Variants in RXRA observed in about 807,000 individuals in gnomAD.
RXRA encodes retinoid X receptor alpha.
RXRA carries 5 observed loss-of-function variants against 44.5 expected under a neutral mutation model. That is an observed-to-expected ratio of 0.11 (90% CI 0.06 to 0.24). The LOEUF (loss-of-function observed/expected upper bound fraction) is 0.24. Among genes scored for constraint, RXRA ranks in the 10% least tolerant of loss-of-function variants. The probability of loss-of-function intolerance (pLI) is 1.00; values close to 1 mark genes in which losing one functional copy is unlikely to be tolerated. For missense variants in RXRA, 412 were observed against 646.5 expected, an observed-to-expected ratio of 0.64 and a Z score of 3.93; for synonymous variants, 291 against 271.4, an observed-to-expected ratio of 1.07 and a Z score of -0.71.
In RXRA at chr9:134,366,082, C is replaced by A. The variant is rs557204517; in HGVS notation, c.29-35550C>A. Among the ~76,000 whole-genome samples the A allele has an allele frequency of 2.6e-5, 4 of 152,256 alleles. No homozygotes were observed. Among genetic ancestry groups the A allele is most frequent in the African/African-American group, 9.6e-5 (4 of 41,538 alleles). On this transcript the variant is annotated intron_variant, in intron 1 of 9. Transcript: ENST00000481739. This position sits in a 1 kb window ranked among gnomAD's most constrained non-coding sequence, Gnocchi z 5.9. ...GGGGCTTGGCATCTTCAGCATCTCT[C>A]GTGCCTCAGTAACAACCTGGGAGCG...
chr9:134,359,026 G>C (rs148526389), intron 1 of RXRA, among the ~76,000 whole-genome samples: 3 of 152,222 alleles, frequency 2.0e-5, no homozygotes, highest in Non-Finnish European at 4.4e-5. Flanking sequence ...AGCATTCATG[G>C]AACAGCTGCT....
chr9:134,344,325 C>G (rs1830122717), intron 1 of RXRA, among the ~76,000 whole-genome samples: 1 of 152,214 alleles, frequency 6.6e-6, no homozygotes, highest in African/African-American at 2.4e-5. Flanking sequence ...TGGGGTCTAT[C>G]TAGCCTGGTG....
At chr9:134,430,992 TCTGTCCCACC>T (rs1831523019) in intron 7 of RXRA, among the ~76,000 whole-genome samples, 1 of 152,224 alleles carries the variant, frequency 6.6e-6, no homozygotes, top group Non-Finnish European at 1.5e-5. Context: ...CAGCTCCTGT[TCTGTCCCACC>T]CTGTTCTCCA....
intron 4 of RXRA, among the ~76,000 whole-genome samples, chr9:134,410,976 T>C (rs1245543871): frequency 1.3e-5 from 2 of 152,190 alleles, no homozygotes; most frequent in Non-Finnish European, 2.9e-5. Context: ...GCTCAGGCAC[T>C]GTGGGAGCCC....
Position 134,334,344 on chromosome 9 carries a change from C to T in RXRA, c.28+7685C>T, listed in dbSNP as rs571527786. The stretch of plus-strand genomic sequence containing the variant: ...TGCCTGTCAGCAGTGGCTTCAGTGC[C>T]TGTGCTTGGGGAGGATGTATCTGGT... On this transcript the variant is annotated intron_variant, in intron 1 of 9. Transcript: ENST00000481739. Among the ~76,000 whole-genome samples the T allele has an allele frequency of 4.6e-5, 7 of 152,380 alleles. No individual in the cohort carries two copies. The South Asian group carries it at 1.4e-3, about 32-fold the overall frequency.
intron 8 of RXRA, among the ~76,000 whole-genome samples, chr9:134,432,647 C>T (rs2119209556): frequency 6.6e-6 from 1 of 152,386 alleles, no homozygotes; most frequent in East Asian, 1.9e-4. Context: ...CATGGGAGGG[C>T]CCCTTCAAGC....
rs1353590820 is a variant in RXRA, at chr9:134,407,245, G to C, written c.280-904G>C. On this transcript the variant is annotated intron_variant, in intron 2 of 9. Transcript: ENST00000481739. The surrounding 1 kb of genome is among the most constrained non-coding windows in gnomAD (Gnocchi z 4.8). ...CTCTTCCTGTCCCGTGAGAAGGGGG[G>C]ATGGGATTTGGAGGCCTGAGGAAGG... Among the ~76,000 whole-genome samples the C allele has an allele frequency of 2.0e-5, 3 of 152,262 alleles. No individual in the cohort carries two copies. The highest frequency in any genetic ancestry group is 6.5e-5 in the Admixed American group (1 of 15,292).
At chr9:134,421,596 G>T in intron 5 of RXRA, 80 bp from the exon 6 acceptor site, 1 of 1,467,420 alleles carries the variant, frequency 6.8e-7, no homozygotes, top group Non-Finnish European at 9.1e-7. Flanking sequence ...CCAGCGTGTG[G>T]CAGGGCCTGG....
rs192389672 is a variant in RXRA at position 134,386,085 on chromosome 9, C to T, written c.29-15547C>T. 4.2e-3 allele frequency among the ~76,000 whole-genome samples: 645 copies of T among 152,290 alleles called. 4 individuals carry two copies. Among genetic ancestry groups the T allele is most frequent in the African/African-American group, 0.015 (603 of 41,554 alleles). On this transcript the variant is annotated intron_variant, in intron 1 of 9. Coordinates refer to ENST00000481739, the MANE Select transcript of RXRA (RefSeq NM_002957.6). Reference sequence around the variant, plus strand: ...GTCTGGTTGAGGGTGGGGGACCGGGCGGCTCTGGGAAAGGGGAACTGGGCC... The same window carrying T: ...GTCTGGTTGAGGGTGGGGGACCGGGTGGCTCTGGGAAAGGGGAACTGGGCC...
In RXRA at chr9:134,426,819, C is replaced by T. The variant is rs926758094; in HGVS notation, c.911-2289C>T. 2.0e-6 allele frequency: 2 copies of T among 985,354 alleles called. No individual in the cohort carries two copies. The highest frequency in any genetic ancestry group is 2.4e-6 in the Non-Finnish European group (2 of 829,914). The allele number at this position is 985,354 out of a possible 1,614,324, so 61.0% of individuals were successfully genotyped here. ...GATGGTGGGTTTGGGGCCAGTTGTG[C>T]CCCAGCCCAGATCTTGTCCTCGGCC... On this transcript the variant is annotated intron_variant, in intron 6 of 9. Transcript: ENST00000481739. The surrounding 1 kb of genome is among the most constrained non-coding windows in gnomAD (Gnocchi z 4.6).
chr9:134,356,877 G>A (rs1588261677), intron 1 of RXRA, among the ~76,000 whole-genome samples: 1 of 152,286 alleles, frequency 6.6e-6, no homozygotes, highest in Middle Eastern at 3.4e-3. Context: ...CACCCTCGAT[G>A]GCCCTGGTAG....
In RXRA at chr9:134,417,285, C is replaced by T. The variant is rs534356986; in HGVS notation, c.738C>T (p.Thr246=). Residue 246 remains threonine, a synonymous_variant, in exon 5 of 10, where the codon ACC becomes ACT. Transcript: ENST00000481739. The surrounding 1 kb of genome is among the most constrained non-coding windows in gnomAD (Gnocchi z 6.1). ...CTGAGCTGGCCGTGGAGCCCAAGAC[C>T]GAGACCTACGTGGAGGCAAACATGG... ...LEAELAVEPK[T]ETYVEANMGL... 31 of 1,613,860 alleles carry T rather than the reference C, an allele frequency of 1.9e-5. No individual in the cohort carries two copies. Among genetic ancestry groups the T allele is most frequent in the East Asian group, 8.9e-5 (4 of 44,884 alleles).
Position 134,343,757 on chromosome 9 carries a change from C to T in RXRA, c.28+17098C>T, listed in dbSNP as rs1356430083. 6.6e-6 allele frequency among the ~76,000 whole-genome samples: 1 copy of T among 152,126 alleles called. No homozygotes were observed. Among genetic ancestry groups the T allele is most frequent in the South Asian group, 2.1e-4 (1 of 4,834 alleles). ...CCATCCGCCCGTCCCCAGCCGGGCGCGGCACTGAGCTGAGGGAGCCTGCGT... is the reference window on the plus strand; with the variant it reads ...CCATCCGCCCGTCCCCAGCCGGGCGTGGCACTGAGCTGAGGGAGCCTGCGT... On this transcript the variant is annotated intron_variant, in intron 1 of 9. Coordinates refer to ENST00000481739, the MANE Select transcript of RXRA (RefSeq NM_002957.6). The surrounding 1 kb of genome is among the most constrained non-coding windows in gnomAD (Gnocchi z 4.1).
intron 8 of RXRA, among the ~76,000 whole-genome samples, chr9:134,432,547 C>T (rs1366891243): frequency 2.6e-5 from 4 of 152,242 alleles, no homozygotes; most frequent in African/African-American, 4.8e-5. Flanking sequence ...CTTCTCCAGC[C>T]TCTGGGTTCT....
In RXRA at chr9:134,417,385, A is replaced by T. The variant is rs937966056; in HGVS notation, c.780+58A>T. 3.8e-6 allele frequency: 6 copies of T among 1,572,616 alleles called. No individual in the cohort carries two copies. The highest frequency in any genetic ancestry group is 1.3e-5 in the African/African-American group (1 of 74,298). On this transcript the variant is annotated intron_variant, in intron 5 of 9. Transcript: ENST00000481739. The surrounding 1 kb of genome is among the most constrained non-coding windows in gnomAD (Gnocchi z 6.1). ...TCACATGCCTCAGTTTCCCTCACTC[A>T]CTCACCCTCCCACCTGAGCAGCTGA...
At chr9:134,410,590 C>A (rs894021001) in intron 4 of RXRA, among the ~76,000 whole-genome samples, 2 of 152,122 alleles carry the variant, frequency 1.3e-5, no homozygotes, top group African/African-American at 4.8e-5. Context: ...GCAGCCTTGT[C>A]CCTGGAAGAT....
rs954982253 is a variant in RXRA, at chr9:134,360,879, G to A, written c.28+34220G>A. Among the ~76,000 whole-genome samples the A allele has an allele frequency of 1.5e-4, 23 of 152,252 alleles. 1 individual carries two copies. The highest frequency in any genetic ancestry group is 5.3e-4 in the African/African-American group (22 of 41,468). On this transcript the variant is annotated intron_variant, in intron 1 of 9. Transcript: ENST00000481739. ...CCTGCTGGGGGGATGCTAGAGCCCTGGGCTCCCTGCAGGGGCTCTGAGCCC... is the reference window on the plus strand; with the variant it reads ...CCTGCTGGGGGGATGCTAGAGCCCTAGGCTCCCTGCAGGGGCTCTGAGCCC...
intron 6 of RXRA, chr9:134,424,602 C>G (rs756693527): frequency 1.0e-5 from 10 of 985,348 alleles, no homozygotes; most frequent in Non-Finnish European, 1.2e-5. Flanking sequence ...TTCTGTCTGC[C>G]GGGGCCAGCA....
In RXRA at chr9:134,408,056, G is replaced by T. The variant is rs1363840884; in HGVS notation, c.280-93G>T. 36 of 959,064 alleles carry T rather than the reference G, an allele frequency of 3.8e-5. 1 individual carries two copies. The South Asian group carries it at 6.0e-4, about 16-fold the overall frequency. The allele number at this position is 959,064 out of a possible 1,614,324, so 59.4% of individuals were successfully genotyped here. A position where few individuals can be genotyped will look rare whatever the true frequency, so the allele number is the denominator to read the frequency against. ...CTCGGTGTCTGTGTGTGAAGTTGGG[G>T]GTACAGCTGCGCCATCCTTGCTGCA... On this transcript the variant is annotated intron_variant, in intron 2 of 9. Coordinates refer to ENST00000481739, the MANE Select transcript of RXRA (RefSeq NM_002957.6).
Sources: allele counts gnomAD v4.1 joint callset (sites outside exome capture counted in the v4.1 genomes callset), GRCh38; gene constraint gnomAD v4.1.1; non-coding constraint Gnocchi (gnomAD v3.1); transcripts MANE v1.5; gene names NCBI Gene and HGNC (gene_info 2026-07-23, HGNC 2026-07-21).